PLPP1: variants seen among roughly 807,000 people sequenced by gnomAD.
PLPP1 encodes the protein lipid phosphate phosphohydrolase 1a.
PLPP1 carries 24 observed loss-of-function variants against 31.2 expected under a neutral mutation model. The observed-to-expected ratio is 0.77, with a 90% CI of 0.56 to 1.08. The LOEUF (loss-of-function observed/expected upper bound fraction) is 1.08, where lower values mean the gene tolerates loss of function less well. Among genes scored for constraint, PLPP1 ranks in the 50% least tolerant of loss-of-function variants. The probability of loss-of-function intolerance (pLI) is 0.00; values close to 1 mark genes in which losing one functional copy is unlikely to be tolerated. For missense variants in PLPP1, 319 were observed against 342.7 expected, an observed-to-expected ratio of 0.93 and a Z score of 0.55; for synonymous variants, 146 against 126.3, an observed-to-expected ratio of 1.16 and a Z score of -1.05.
chr5:55,455,809 GAAGA>G (rs1461032010), intron 3 of PLPP1, among the ~76,000 whole-genome samples: 2 of 152,194 alleles, frequency 1.3e-5, no homozygotes, highest in African/African-American at 4.8e-5. Flanking sequence ...AAACTTGTTA[GAAGA>G]AATACAAATT....
intron 2 of PLPP1, among the ~76,000 whole-genome samples, chr5:55,472,732 AGGAG>A (rs1752445714): frequency 6.8e-6 from 1 of 147,782 alleles, no homozygotes; most frequent in Non-Finnish European, 1.5e-5. Flanking sequence ...GAAGAGGAAG[AGGAG>A]GAAGAGGAAG....
intron 1 of PLPP1, among the ~76,000 whole-genome samples, chr5:55,517,046 G>C (rs1467493486): frequency 6.6e-6 from 1 of 152,134 alleles, no homozygotes; most frequent in Non-Finnish European, 1.5e-5. Flanking sequence ...ACTAAAATAT[G>C]TCTATGGCTA....
chr5:55,506,029 C>A (rs778262716), intron 1 of PLPP1, among the ~76,000 whole-genome samples: 1 of 152,050 alleles, frequency 6.6e-6, no homozygotes. Context: ...TGCACTCCAG[C>A]GTAGGCAACA....
chr5:55,468,313 T>A (rs1347837846), intron 2 of PLPP1, 164 bp from the exon 3 acceptor site: 1 of 612,956 alleles, frequency 1.6e-6, no homozygotes, highest in African/African-American at 1.8e-5. Flanking sequence ...ACTTAGGATA[T>A]CCAATTCTAA....
At chr5:55,435,927 C>G (rs1372559606) in intron 4 of PLPP1, among the ~76,000 whole-genome samples, 1 of 149,300 alleles carries the variant, frequency 6.7e-6, no homozygotes, top group East Asian at 2.0e-4. Context: ...GACAGGAGAA[C>G]TGCTTGAACC....
In PLPP1 at chr5:55,534,719, G is replaced by A; in HGVS notation, c.-90C>T. 7.4e-7 allele frequency: 1 copy of A among 1,357,998 alleles called. No individual in the cohort carries two copies. Among genetic ancestry groups the A allele is most frequent in the South Asian group, 1.3e-5 (1 of 74,220 alleles). The allele number at this position is 1,357,998 out of a possible 1,614,324, so 84.1% of individuals were successfully genotyped here. ...TGATTCTCGAGCCCGGGCCGGGGCT[G>A]GCGACGGCCCCGAGCTACGGCCCCT... is the stretch of plus-strand genomic sequence containing the variant. On this transcript the variant is annotated 5_prime_UTR_variant, in exon 1 of 6. Coordinates refer to ENST00000307259, the MANE Select transcript of PLPP1 (RefSeq NM_003711.4).
chr5:55,497,673 CAGAT>C (rs1284062452), intron 1 of PLPP1, among the ~76,000 whole-genome samples: 1 of 152,122 alleles, frequency 6.6e-6, no homozygotes, highest in Non-Finnish European at 1.5e-5. Context: ...CAGCAGGAAA[CAGAT>C]AGCACCCCCA....
At chr5:55,495,918 T>A (rs960802039) in intron 1 of PLPP1, among the ~76,000 whole-genome samples, 1 of 152,070 alleles carries the variant, frequency 6.6e-6, no homozygotes, top group Non-Finnish European at 1.5e-5. Flanking sequence ...AGTGCAGAGG[T>A]GCGATCTTGG....
rs1167946464 is a variant in PLPP1, at chr5:55,425,341, T to C, written c.727-7A>G. The C allele has an allele frequency of 6.3e-7, 1 of 1,586,988 alleles. No homozygotes were observed. Among genetic ancestry groups the C allele is most frequent in the Non-Finnish European group, 8.6e-7 (1 of 1,161,572 alleles). ...AATCCGATACATATACAGCCTACAG[T>C]GCAAAATATTTAATGGTATAATTTA... On this transcript the variant is annotated splice_region_variant and splice_polypyrimidine_tract_variant and intron_variant, in intron 5 of 5. Transcript: ENST00000307259.
At chr5:55,485,074 A>C (rs895630676) in intron 1 of PLPP1, 2 of 152,128 alleles carry the variant, frequency 1.3e-5, no homozygotes, top group African/African-American at 4.8e-5. Context: ...TAAAACTATA[A>C]TCATAAGTAA....
chr5:55,442,746 T>C (rs530827827), intron 3 of PLPP1, among the ~76,000 whole-genome samples: 20 of 152,256 alleles, frequency 1.3e-4, no homozygotes, highest in Non-Finnish European at 7.4e-5. Context: ...TATTAGAGTC[T>C]ATAAACATCT....
intron 1 of PLPP1, among the ~76,000 whole-genome samples, chr5:55,512,348 G>C (rs529812275): frequency 2.6e-5 from 4 of 151,580 alleles, no homozygotes; most frequent in African/African-American, 9.7e-5. Context: ...GCAGGTGCCT[G>C]TAATCCCAGC....
intron 1 of PLPP1, among the ~76,000 whole-genome samples, chr5:55,482,260 C>T (rs1170050181): frequency 6.6e-6 from 1 of 150,980 alleles, no homozygotes; most frequent in Non-Finnish European, 1.5e-5. Context: ...ATGTAAGTCT[C>T]CTTTGTCCCC....
chr5:55,441,908 C>T lies in PLPP1; in HGVS notation c.492G>A (p.Arg164=), dbSNP rs996893529. The change falls in exon 4 of 6, where the codon AGG becomes AGA. Residue 164 remains arginine (R), a splice_region_variant and synonymous_variant. Coordinates refer to ENST00000307259, the MANE Select transcript of PLPP1 (RefSeq NM_003711.4). ...RGNAERVKEG[R]LSFYSGHSSF... The stretch of plus-strand genomic sequence containing the variant: ...AAGAGTGGCCTGAATAGAAGGACAA[C>T]CTGGAAGAAAAAGAAGACAAATGTT... 23 of 1,613,146 alleles carry T rather than the reference C, an allele frequency of 1.4e-5. No individual in the cohort carries two copies. Among genetic ancestry groups the T allele is most frequent in the Non-Finnish European group, 1.8e-5 (21 of 1,179,154 alleles).
At chr5:55,436,558 C>T (rs573578717) in intron 4 of PLPP1, among the ~76,000 whole-genome samples, 8 of 152,248 alleles carry the variant, frequency 5.3e-5, no homozygotes, top group South Asian at 2.1e-4. Context: ...ATGTCTTTAT[C>T]GGCAGCATGA....
intron 3 of PLPP1, among the ~76,000 whole-genome samples, chr5:55,466,213 C>G (rs1227441963): frequency 6.6e-6 from 1 of 152,196 alleles, no homozygotes; most frequent in Non-Finnish European, 1.5e-5. Flanking sequence ...CTTGATCTTT[C>G]TCTTCTTTGA....
intron 1 of PLPP1, among the ~76,000 whole-genome samples, chr5:55,526,415 C>T (rs1323164189): frequency 6.6e-6 from 1 of 152,158 alleles, no homozygotes; most frequent in African/African-American, 2.4e-5. Context: ...GCAATTTCCT[C>T]CAAGCCTCTG....
At chr5:55,472,116 C>CT (rs1752428250) in intron 2 of PLPP1, among the ~76,000 whole-genome samples, 1 of 152,172 alleles carries the variant, frequency 6.6e-6, no homozygotes, top group African/African-American at 2.4e-5. Flanking sequence ...GAGAAAGACT[C>CT]TGTCAATCAA....
At chr5:55,530,733 A>G in intron 1 of PLPP1, 1 of 1,573,444 alleles carries the variant, frequency 6.4e-7, no homozygotes, top group Non-Finnish European at 8.7e-7. Flanking sequence ...ACAGGGGACA[A>G]TGTGCTCCGC....
Sources: gnomAD v4.1 joint callset for allele counts (sites outside exome capture counted in the v4.1 genomes callset) on GRCh38, gnomAD v4.1.1 for gene constraint, MANE v1.5 for transcripts, NCBI Gene and HGNC (gene_info 2026-07-23, HGNC 2026-07-21) for gene names.